The following ORC3 variants were observed in gnomAD, a reference collection of about 807,000 sequenced individuals.
ORC3 encodes homolog of latheo, Drosophila.
ORC3 carries 78 observed loss-of-function variants against 100.7 expected under a neutral mutation model. That is an observed-to-expected ratio of 0.77 (90% CI 0.65 to 0.94). The LOEUF is 0.94. ORC3 is among the 40% of genes least tolerant of loss of function. ORC3 has a pLI of 0.00. For synonymous variants in ORC3, 295 were observed against 289.3 expected, an observed-to-expected ratio of 1.02 and a Z score of -0.20; for missense variants, 789 against 823.9, an observed-to-expected ratio of 0.96 and a Z score of 0.52.
At chr6:87,603,328 G>A in intron 3 of ORC3, 56 bp from the exon 4 acceptor site, 4 of 943,884 alleles carry the variant, frequency 4.2e-6, no homozygotes, top group Non-Finnish European at 5.9e-6. Context: ...CCACAACCAG[G>A]AAAGACATCA....
At chr6:87,608,706 T>G (rs916640791) in intron 6 of ORC3, among the ~76,000 whole-genome samples, 19 of 152,018 alleles carry the variant, frequency 1.2e-4, no homozygotes, top group Non-Finnish European at 2.5e-4. Context: ...AGTGGCAGAG[T>G]AGCAAGCACT....
In ORC3 at chr6:87,596,358, C is replaced by CT. The variant is rs541945684; in HGVS notation, c.79+1952dup. Among the ~76,000 whole-genome samples, 8 of 151,700 alleles carry CT rather than the reference C, an allele frequency of 5.3e-5. No individual in the cohort carries two copies. In the South Asian group the frequency reaches 1.7e-3, roughly 32 times the overall value. ...CTATGTTGGCCAGGCTGATCTCGAACTCCCGGCCTTGTGATCTGCCCACCT... is the reference window on the plus strand; with the variant it reads ...CTATGTTGGCCAGGCTGATCTCGAACTTCCCGGCCTTGTGATCTGCCCACCT... On this transcript the variant is annotated intron_variant, in intron 2 of 19. Coordinates refer to ENST00000392844, the MANE Select transcript of ORC3 (RefSeq NM_012381.4).
chr6:87,635,163 C>T (rs529678860), intron 12 of ORC3, among the ~76,000 whole-genome samples: 20 of 152,172 alleles, frequency 1.3e-4, no homozygotes, highest in Non-Finnish European at 2.1e-4. Context: ...TAGAAACAGC[C>T]GTATGAATCC....
chr6:87,625,794 TTTC>T (rs1427733806), intron 11 of ORC3, among the ~76,000 whole-genome samples: 3 of 152,354 alleles, frequency 2.0e-5, no homozygotes, highest in African/African-American at 7.2e-5. Context: ...TTGCTTAGGT[TTTC>T]TTCTAGCGTT....
chr6:87,674,302 C>CAAAAAAAAACAAAA, the ORC3 span, among the ~76,000 whole-genome samples: 1 of 87,162 alleles, frequency 1.1e-5, no homozygotes. Context: ...AACTCTATCT[C>CAAAAAAAAACAAAA]AAAAAAAAAA....
intron 1 of ORC3, among the ~76,000 whole-genome samples, chr6:87,591,728 C>T (rs1451734956): frequency 1.3e-5 from 2 of 151,822 alleles, no homozygotes; most frequent in East Asian, 3.9e-4. Flanking sequence ...AGCTTTTTTT[C>T]TTTTTCTTTT....
chr6:87,610,832 C>T (rs936945503), intron 7 of ORC3, among the ~76,000 whole-genome samples: 2 of 137,026 alleles, frequency 1.5e-5, no homozygotes, highest in African/African-American at 3.0e-5. Flanking sequence ...GGATTACAGG[C>T]GTGAGCCACC....
chr6:87,647,864 G>A lies in ORC3; in HGVS notation c.1383-5252G>A, dbSNP rs186303111. 4.1e-3 allele frequency among the ~76,000 whole-genome samples: 625 copies of A among 152,282 alleles called. 1 individual carries two copies. The highest frequency in any genetic ancestry group is 0.014 in the African/African-American group (571 of 41,556). On this transcript the variant is annotated intron_variant, in intron 13 of 19. Transcript: ENST00000392844. ...TTTTTTGGAATAAGCTAAATATTTTGTAGTTGTTTTCAAGTGATCTTCTTC... is the reference window on the plus strand; with the variant it reads ...TTTTTTGGAATAAGCTAAATATTTTATAGTTGTTTTCAAGTGATCTTCTTC...
chr6:87,673,361 T>C, the ORC3 span, among the ~76,000 whole-genome samples: 1 of 151,976 alleles, frequency 6.6e-6, no homozygotes, highest in Non-Finnish European at 1.5e-5. Flanking sequence ...CAGGGACATT[T>C]GGCAATGTCT....
At chr6:87,596,448 G>GTTT (rs34256004) in intron 2 of ORC3, among the ~76,000 whole-genome samples, 4 of 144,292 alleles carry the variant, frequency 2.8e-5, no homozygotes, top group African/African-American at 1.0e-4. Flanking sequence ...TTTTTTTGTT[G>GTTT]TTTTTTTTTT....
intron 1 of ORC3, 134 bp downstream of exon 1, chr6:87,590,326 C>G: frequency 1.0e-6 from 1 of 961,824 alleles, no homozygotes; most frequent in East Asian, 2.4e-5. Context: ...TGAGCTGAGG[C>G]GTCCTTGCTC....
At chr6:87,609,443 A>G (rs1036074246) in intron 7 of ORC3, 1 of 443,668 alleles carries the variant, frequency 2.3e-6, no homozygotes, top group Non-Finnish European at 4.0e-6. Context: ...AGCCAGTTTT[A>G]AATTGACATG....
Position 87,590,152 on chromosome 6 carries a change from G to C in ORC3, c.-17G>C, listed in dbSNP as rs771671266. The C allele has an allele frequency of 1.2e-6, 2 of 1,613,812 alleles. No homozygotes were observed. Among genetic ancestry groups the C allele is most frequent in the Non-Finnish European group, 1.7e-6 (2 of 1,179,786 alleles). ...GAAATCCCGAGTGCATCTGGAATAC[G>C]CAGAGTCAGTAAGACCATGGCTACG... is the stretch of plus-strand genomic sequence containing the variant. On this transcript the variant is annotated 5_prime_UTR_variant, in exon 1 of 20. Transcript: ENST00000392844.
rs553599724 is a variant in ORC3, at chr6:87,624,854, C to T, written c.1185+2841C>T. Among the ~76,000 whole-genome samples the T allele has an allele frequency of 4.6e-5, 7 of 152,250 alleles. No individual in the cohort carries two copies. In the East Asian group the frequency reaches 7.7e-4, roughly 17 times the overall value. On this transcript the variant is annotated intron_variant, in intron 11 of 19. Transcript: ENST00000392844. ...GCTATCCTTCCCCCAGCACCCCCAC[C>T]CACCAACAGGCCCTGGTGTGTGATG...
In ORC3 at chr6:87,667,384, TTG is replaced by T; in HGVS notation, c.*264_*265del. 3.0e-6 allele frequency: 1 copy of T among 330,742 alleles called. No homozygotes were observed. Among genetic ancestry groups the T allele is most frequent in the Non-Finnish European group, 5.4e-6 (1 of 184,484 alleles). The allele number at this position is 330,742 out of a possible 1,614,324, so 20.5% of individuals were successfully genotyped here. A position where few individuals can be genotyped will look rare whatever the true frequency, so the allele number is the denominator to read the frequency against. On this transcript the variant is annotated 3_prime_UTR_variant, in exon 20 of 20. Transcript: ENST00000392844. Reference sequence around the variant, plus strand: ...TGTACTTTCCAAAGTCATTACTAAATTGTGAGTAAATCATTCTTGAACTTAGA... The same window carrying T: ...TGTACTTTCCAAAGTCATTACTAAATTGAGTAAATCATTCTTGAACTTAGA...
intron 2 of ORC3, among the ~76,000 whole-genome samples, chr6:87,596,599 T>C (rs1303090417): frequency 6.6e-6 from 1 of 152,162 alleles, no homozygotes; most frequent in African/African-American, 2.4e-5. Context: ...GTTATGTAAG[T>C]ATATACCTGG....
chr6:87,593,385 C>G (rs906220149), intron 1 of ORC3, among the ~76,000 whole-genome samples: 1 of 152,164 alleles, frequency 6.6e-6, no homozygotes, highest in Non-Finnish European at 1.5e-5. Flanking sequence ...CTCAGGGAGA[C>G]ACACCCATAA....
intron 8 of ORC3, among the ~76,000 whole-genome samples, chr6:87,613,418 C>A (rs570330443): frequency 1.3e-5 from 2 of 152,308 alleles, no homozygotes; most frequent in East Asian, 3.9e-4. Flanking sequence ...GGTGGGGACA[C>A]AACCAAACCA....
At chr6:87,596,934 G>A (rs1167207817) in intron 2 of ORC3, among the ~76,000 whole-genome samples, 1 of 152,118 alleles carries the variant, frequency 6.6e-6, no homozygotes, top group Non-Finnish European at 1.5e-5. Flanking sequence ...TATCCCCAGT[G>A]GCAGTATCTT....
Sources: allele counts gnomAD v4.1 joint callset (sites outside exome capture counted in the v4.1 genomes callset), GRCh38; gene constraint gnomAD v4.1.1; transcripts MANE v1.5; gene names NCBI Gene and HGNC (gene_info 2026-07-23, HGNC 2026-07-21).